Variants in SNTB1 observed in about 807,000 individuals in gnomAD.
SNTB1 encodes the protein syntrophin beta 1.
In SNTB1, 36 loss-of-function variants were observed where a neutral mutation model predicts 48.9. The observed-to-expected ratio is 0.74, with a 90% CI of 0.56 to 0.97. The LOEUF is 0.97. Ranked by LOEUF, SNTB1 falls within the 50% of genes least tolerant of loss-of-function variation. The pLI is 0.00. For missense variants in SNTB1, 786 were observed against 703.4 expected (o/e 1.12, Z -1.33); for synonymous variants, 299 against 294.6 (o/e 1.01, Z -0.15).
intron 1 of SNTB1, chr8:120,776,244 G>C (rs748115167): frequency 1.3e-5 from 2 of 152,246 alleles, no homozygotes; most frequent in Non-Finnish European, 2.9e-5. Flanking sequence ...GTGGGTCTTA[G>C]GGATGTCCCC....
chr8:120,801,740 T>G (rs1379464521), intron 1 of SNTB1, among the ~76,000 whole-genome samples: 1 of 152,146 alleles, frequency 6.6e-6, no homozygotes, highest in Admixed American at 6.6e-5. Context: ...CATAGAGTTC[T>G]TCCAAAGAGT....
At chr8:120,545,427 C>T (rs1284674412) in intron 5 of SNTB1, among the ~76,000 whole-genome samples, 1 of 152,180 alleles carries the variant, frequency 6.6e-6, no homozygotes, top group African/African-American at 2.4e-5. Flanking sequence ...CATGGGCCAG[C>T]AGCATCAGAA....
At chr8:120,634,374 A>T (rs1817038141) in intron 2 of SNTB1, among the ~76,000 whole-genome samples, 1 of 152,164 alleles carries the variant, frequency 6.6e-6, no homozygotes, top group Non-Finnish European at 1.5e-5. Context: ...AATGCTTCTA[A>T]TAGCCCTATG....
chr8:120,790,015 C>T (rs1208095725), intron 1 of SNTB1, among the ~76,000 whole-genome samples: 2 of 152,062 alleles, frequency 1.3e-5, no homozygotes, highest in East Asian at 1.9e-4. Flanking sequence ...CCAAATCCAA[C>T]AGCACATCAA....
At chr8:120,556,623 T>A (rs959648436) in intron 4 of SNTB1, among the ~76,000 whole-genome samples, 3 of 152,166 alleles carry the variant, frequency 2.0e-5, no homozygotes, top group Non-Finnish European at 4.4e-5. Context: ...CTGTACATAT[T>A]ATGGTATTGC....
At chr8:120,693,044 G>C (rs958339429) in intron 2 of SNTB1, among the ~76,000 whole-genome samples, 1 of 152,120 alleles carries the variant, frequency 6.6e-6, no homozygotes, top group Non-Finnish European at 1.5e-5. Flanking sequence ...TGGTGGAAGG[G>C]GCAGGGGGTG....
intron 1 of SNTB1, among the ~76,000 whole-genome samples, chr8:120,713,126 G>A (rs1277141733): frequency 6.6e-6 from 1 of 152,068 alleles, no homozygotes; most frequent in African/African-American, 2.4e-5. Context: ...CTGGGTTGAG[G>A]TTCAGTTCTC....
intron 2 of SNTB1, among the ~76,000 whole-genome samples, chr8:120,684,711 A>G (rs533346831): frequency 1.3e-5 from 2 of 151,334 alleles, no homozygotes; most frequent in African/African-American, 2.4e-5. Context: ...CTGGAGTGCA[A>G]TGGCATGATC....
At chr8:120,574,010 T>C (rs1815905208) in intron 4 of SNTB1, among the ~76,000 whole-genome samples, 1 of 152,218 alleles carries the variant, frequency 6.6e-6, no homozygotes, top group South Asian at 2.1e-4. Context: ...AAGTGTGGTA[T>C]TTACATATAA....
chr8:120,712,363 C>T (rs948058768), intron 1 of SNTB1, among the ~76,000 whole-genome samples: 6 of 143,000 alleles, frequency 4.2e-5, no homozygotes, highest in African/African-American at 1.0e-4. Flanking sequence ...TGCAGTGAGC[C>T]GAGATCACAC....
chr8:120,611,687 T>C (rs909895035), intron 3 of SNTB1, among the ~76,000 whole-genome samples: 10 of 151,822 alleles, frequency 6.6e-5, no homozygotes, highest in African/African-American at 2.4e-4. Context: ...CCGGGCGTGG[T>C]GGCGGGTGCC....
chr8:120,806,431 A>G (rs6985848), intron 1 of SNTB1, among the ~76,000 whole-genome samples: 78,479 of 152,128 alleles, frequency 0.52, 23,635 homozygotes, highest in African/African-American at 0.85. Flanking sequence ...ATGACCTCTG[A>G]TGTAGTTGTG....
chr8:120,781,526 G>C (rs1331425555), intron 1 of SNTB1, among the ~76,000 whole-genome samples: 1 of 152,156 alleles, frequency 6.6e-6, no homozygotes, highest in Non-Finnish European at 1.5e-5. Flanking sequence ...GTCACAAAAA[G>C]ACTAACTTCT....
chr8:120,691,510 A>G (rs183535165), intron 2 of SNTB1, among the ~76,000 whole-genome samples: 1 of 152,320 alleles, frequency 6.6e-6, no homozygotes, highest in Non-Finnish European at 1.5e-5. Flanking sequence ...CAGGTAATTA[A>G]TTGTATTCCA....
chr8:120,759,881 C>G (rs1202882886), intron 1 of SNTB1, among the ~76,000 whole-genome samples: 1 of 151,928 alleles, frequency 6.6e-6, no homozygotes, highest in Non-Finnish European at 1.5e-5. Context: ...AGGTGCCCAT[C>G]ATTTGATTTT....
chr8:120,708,877 A>G (rs1192973159), intron 1 of SNTB1, among the ~76,000 whole-genome samples: 1 of 152,210 alleles, frequency 6.6e-6, no homozygotes, highest in Non-Finnish European at 1.5e-5. Context: ...AGCATTCTGA[A>G]TAAGGAAATG....
At position 120,796,639 on chromosome 8, in the gene SNTB1, A is replaced by G. The variant is rs577670617; in HGVS notation, c.571+14634T>C. On this transcript the variant is annotated intron_variant, in intron 1 of 6. Coordinates refer to ENST00000517992, the MANE Select transcript of SNTB1 (RefSeq NM_021021.4). The stretch of plus-strand genomic sequence containing the variant: ...AAGTGCTGATGAGGAGACTTATATT[A>G]AAGCTTCTTTTAGGGAAAGCATGCT... Among the ~76,000 whole-genome samples, 3 of 152,136 alleles carry G rather than the reference A, an allele frequency of 2.0e-5. No individual in the cohort carries two copies. In the East Asian group the frequency reaches 5.8e-4, roughly 29 times the overall value.
At chr8:120,675,249 AG>A (rs1047534967) in intron 2 of SNTB1, among the ~76,000 whole-genome samples, 4 of 152,188 alleles carry the variant, frequency 2.6e-5, no homozygotes, top group African/African-American at 7.2e-5. Flanking sequence ...AGGAAGAGAA[AG>A]AAAAAATTTC....
At chr8:120,602,789 A>G (rs1228647481) in intron 3 of SNTB1, among the ~76,000 whole-genome samples, 1 of 150,646 alleles carries the variant, frequency 6.6e-6, no homozygotes, top group Non-Finnish European at 1.5e-5. Flanking sequence ...AATTTTTAAA[A>G]ATTATATATA....
Sources: gnomAD v4.1 joint callset for allele counts (sites outside exome capture counted in the v4.1 genomes callset) on GRCh38, gnomAD v4.1.1 for gene constraint, MANE v1.5 for transcripts, NCBI Gene and HGNC (gene_info 2026-07-23, HGNC 2026-07-21) for gene names.